Variants in PPP3CB observed in about 807,000 individuals in gnomAD.
PPP3CB encodes serine/threonine-protein phosphatase 2B catalytic subunit beta isoform.
PPP3CB carries 8 observed loss-of-function variants against 66.4 expected under a neutral mutation model. The ratio of observed to expected loss-of-function variants is 0.12; its 90% CI spans 0.07 to 0.22. PPP3CB has a LOEUF of 0.22. PPP3CB is among the 10% of genes least tolerant of loss of function. The pLI, the probability that PPP3CB is intolerant of heterozygous loss-of-function variation, is 1.00. For synonymous variants in PPP3CB, 208 were observed against 221.2 expected (o/e 0.94, Z 0.53); for missense variants, 319 against 642.5 (o/e 0.50, Z 5.44).
intron 8 of PPP3CB, among the ~76,000 whole-genome samples, chr10:73,470,156 T>C (rs921712324): frequency 6.6e-6 from 1 of 151,972 alleles, no homozygotes; most frequent in African/African-American, 2.4e-5. Flanking sequence ...AAGAGAAGAA[T>C]GTATCCCTCA....
chr10:73,494,585 A>C (rs567427554), intron 1 of PPP3CB, among the ~76,000 whole-genome samples: 3 of 152,068 alleles, frequency 2.0e-5, no homozygotes, highest in African/African-American at 7.2e-5. Flanking sequence ...GTGAGCCACC[A>C]CGCCAGGCCA....
chr10:73,481,166 T>C (rs534749963), intron 1 of PPP3CB, among the ~76,000 whole-genome samples: 90 of 125,726 alleles, frequency 7.2e-4, no homozygotes, highest in Admixed American at 6.8e-4. Context: ...TTTTTTTTTC[T>C]TTTTTTTTTT....
At chr10:73,458,015 A>C (rs2056458504) in intron 9 of PPP3CB, among the ~76,000 whole-genome samples, 1 of 152,220 alleles carries the variant, frequency 6.6e-6, no homozygotes, top group South Asian at 2.1e-4. Context: ...TTACTTAATA[A>C]GTACAATGTA....
At chr10:73,482,021 C>T (rs562090963) in intron 1 of PPP3CB, among the ~76,000 whole-genome samples, 334 of 152,092 alleles carry the variant, frequency 2.2e-3, no homozygotes, top group Non-Finnish European at 3.4e-3. Context: ...TATGCTATAA[C>T]CAAATTTGCC....
intron 12 of PPP3CB, chr10:73,444,492 G>C (rs1232633133): frequency 7.8e-6 from 10 of 1,288,706 alleles, no homozygotes; most frequent in African/African-American, 1.5e-5. Flanking sequence ...TTCATGAAAA[G>C]CTGAGGAACT....
chr10:73,480,997 G>C (rs1414064677), intron 1 of PPP3CB, among the ~76,000 whole-genome samples: 1 of 152,046 alleles, frequency 6.6e-6, no homozygotes, highest in Admixed American at 6.6e-5. Context: ...AATCCAACAA[G>C]TAAATCTTTA....
Position 73,439,907 on chromosome 10 carries a change from C to T in PPP3CB, c.1367-6G>A, listed in dbSNP as rs914937948. On this transcript the variant is annotated splice_polypyrimidine_tract_variant and splice_region_variant and intron_variant, in intron 12 of 13. Coordinates refer to ENST00000360663, the MANE Select transcript of PPP3CB (RefSeq NM_021132.4). ...CTCAATAGCCTCAACTGTGGCTGTA[C>T]AGAAGTGAGCAGAGGCATGCAAAAT... 10 of 1,612,806 alleles carry T rather than the reference C, an allele frequency of 6.2e-6. No individual in the cohort carries two copies. Among genetic ancestry groups the T allele is most frequent in the Non-Finnish European group, 8.5e-6 (10 of 1,178,988 alleles).
intron 10 of PPP3CB, among the ~76,000 whole-genome samples, chr10:73,446,848 C>G (rs2056265179): frequency 6.6e-6 from 1 of 151,998 alleles, no homozygotes; most frequent in Admixed American, 6.5e-5. Flanking sequence ...AGTAAAACAG[C>G]AATGGGGAAA....
chr10:73,474,872 CA>C, intron 4 of PPP3CB, 46 bp downstream of exon 4: 3 of 1,601,654 alleles, frequency 1.9e-6, no homozygotes, highest in Non-Finnish European at 2.6e-6. Context: ...CACTTAAGTC[CA>C]AAAGAATACT....
chr10:73,487,412 G>A (rs963203452), intron 1 of PPP3CB, among the ~76,000 whole-genome samples: 1 of 151,742 alleles, frequency 6.6e-6, no homozygotes, highest in Admixed American at 6.6e-5. Context: ...GCGGGGCGTG[G>A]TGGCAGATGC....
In PPP3CB at chr10:73,495,934, G is replaced by A; in HGVS notation, c.-45C>T. On this transcript the variant is annotated 5_prime_UTR_variant, in exon 1 of 14. Coordinates refer to ENST00000360663, the MANE Select transcript of PPP3CB (RefSeq NM_021132.4). ...TAGGCTCTGGGCCGGGCGGGGTTGG[G>A]GGCGGGGGCGGCGGCTACCAGAGCC... The A allele has an allele frequency of 9.5e-7, 1 of 1,052,382 alleles. No homozygotes were observed. The highest frequency in any genetic ancestry group is 1.2e-6 in the Non-Finnish European group (1 of 827,726). 65.2% of individuals were successfully genotyped at this position (1,052,382 alleles called of 1,614,324 possible). A position where few individuals can be genotyped will look rare whatever the true frequency, so the allele number is the denominator to read the frequency against.
intron 3 of PPP3CB, among the ~76,000 whole-genome samples, chr10:73,476,765 T>C (rs1464462250): frequency 6.6e-6 from 1 of 152,160 alleles, no homozygotes; most frequent in African/African-American, 2.4e-5. Context: ...AATGGGCCAT[T>C]TTCTGATTTG....
chr10:73,450,075 G>T (rs2056320791), intron 10 of PPP3CB, among the ~76,000 whole-genome samples: 1 of 152,164 alleles, frequency 6.6e-6, no homozygotes, highest in Non-Finnish European at 1.5e-5. Flanking sequence ...TGGGATTACA[G>T]GCCTGAGCCA....
chr10:73,462,390 A>G (rs2056537326), intron 9 of PPP3CB, among the ~76,000 whole-genome samples: 1 of 151,902 alleles, frequency 6.6e-6, no homozygotes, highest in Non-Finnish European at 1.5e-5. Flanking sequence ...AATGGGAGAA[A>G]AAAGCAGACT....
At chr10:73,463,677 C>T (rs1461106514) in intron 9 of PPP3CB, among the ~76,000 whole-genome samples, 1 of 152,232 alleles carries the variant, frequency 6.6e-6, no homozygotes, top group Non-Finnish European at 1.5e-5. Context: ...GAGTCTCACT[C>T]TGTCACCCAG....
intron 1 of PPP3CB, among the ~76,000 whole-genome samples, chr10:73,490,157 C>T (rs764676094): frequency 6.6e-6 from 1 of 152,122 alleles, no homozygotes; most frequent in African/African-American, 2.4e-5. Context: ...AATAAATGGT[C>T]CCAATCCTCT....
chr10:73,445,277 A>G (rs2056228050), intron 11 of PPP3CB, among the ~76,000 whole-genome samples: 1 of 152,202 alleles, frequency 6.6e-6, no homozygotes, highest in African/African-American at 2.4e-5. Context: ...TTCATCAAGA[A>G]TACTCTAAAA....
At chr10:73,477,879 T>C (rs553927967) in intron 3 of PPP3CB, among the ~76,000 whole-genome samples, 6 of 151,864 alleles carry the variant, frequency 4.0e-5, no homozygotes, top group Non-Finnish European at 8.8e-5. Flanking sequence ...CTGGTGCCAC[T>C]GTACTCCAGC....
rs776284732 is a variant in PPP3CB at position 73,448,636 on chromosome 10, A to G, written c.1187-2063T>C. 1.3e-5 allele frequency: 7 copies of G among 533,152 alleles called. No homozygotes were observed. In the East Asian group the frequency reaches 3.8e-4, roughly 29 times the overall value. The allele number at this position is 533,152 out of a possible 1,614,324, so 33.0% of individuals were successfully genotyped here. A position where few individuals can be genotyped will look rare whatever the true frequency, so the allele number is the denominator to read the frequency against. On this transcript the variant is annotated intron_variant, in intron 10 of 13. Transcript: ENST00000360663. ...AGATAACTTATGAAGTCATATTTCA[A>G]AACAATGTTACTCTGTCTGGTCTGT...
Sources: gnomAD v4.1 joint callset for allele counts (sites outside exome capture counted in the v4.1 genomes callset) on GRCh38, gnomAD v4.1.1 for gene constraint, MANE v1.5 for transcripts, NCBI Gene and HGNC (gene_info 2026-07-23, HGNC 2026-07-21) for gene names.